Variants in RANBP2 observed in about 807,000 individuals in gnomAD.
RANBP2 encodes the protein E3 SUMO-protein ligase RanBP2.
RANBP2 carries 57 observed loss-of-function variants against 303.6 expected under a neutral mutation model. That is an observed-to-expected ratio of 0.19 (90% CI 0.15 to 0.23). The LOEUF (loss-of-function observed/expected upper bound fraction) is 0.23. Among genes scored for constraint, RANBP2 ranks in the 10% least tolerant of loss-of-function variants. The probability of loss-of-function intolerance (pLI) is 1.00; values close to 1 mark genes in which losing one functional copy is unlikely to be tolerated. For synonymous variants in RANBP2, 1,167 were observed against 1,301.5 expected, an observed-to-expected ratio of 0.90 and a Z score of 2.23; for missense variants, 3,138 against 3,780.8, an observed-to-expected ratio of 0.83 and a Z score of 4.46.
the RANBP2 span, among the ~76,000 whole-genome samples, chr2:109,517,958 T>C: frequency 6.6e-6 from 1 of 152,262 alleles, no homozygotes; most frequent in Admixed American, 6.5e-5. Context: ...TCGAGTCCCA[T>C]TTGAGAACTT....
At chr2:109,554,528 C>T in the RANBP2 span, among the ~76,000 whole-genome samples, 1 of 152,172 alleles carries the variant, frequency 6.6e-6, no homozygotes, top group Non-Finnish European at 1.5e-5. Context: ...CACCCCCACC[C>T]AACTCAGACT....
the RANBP2 span, among the ~76,000 whole-genome samples, chr2:109,317,601 C>T: frequency 6.6e-6 from 1 of 152,168 alleles, no homozygotes; most frequent in African/African-American, 2.4e-5. Context: ...AGTCAAAGTC[C>T]ACCTTGGTTT....
the RANBP2 span, among the ~76,000 whole-genome samples, chr2:108,805,293 T>C: frequency 2.6e-5 from 4 of 152,216 alleles, no homozygotes; most frequent in Admixed American, 6.5e-5. Flanking sequence ...TTAATACTTA[T>C]TATTTATCAC....
chr2:109,540,002 G>A, the RANBP2 span, among the ~76,000 whole-genome samples: 1 of 152,084 alleles, frequency 6.6e-6, no homozygotes, highest in African/African-American at 2.4e-5. Context: ...ACAGGTCCTG[G>A]TGGGACATGT....
the RANBP2 span, among the ~76,000 whole-genome samples, chr2:109,199,954 G>A: frequency 6.6e-6 from 1 of 150,596 alleles, no homozygotes; most frequent in Non-Finnish European, 1.5e-5. Flanking sequence ...CCCCAGGGAC[G>A]TTTGCAGTGT....
At chr2:109,439,731 C>A in the RANBP2 span, among the ~76,000 whole-genome samples, 1 of 151,996 alleles carries the variant, frequency 6.6e-6, no homozygotes, top group Non-Finnish European at 1.5e-5. Flanking sequence ...AATTCATCAG[C>A]AAAAAAGCAC....
the RANBP2 span, among the ~76,000 whole-genome samples, chr2:108,954,629 A>G: frequency 6.6e-6 from 1 of 150,780 alleles, no homozygotes; most frequent in South Asian, 2.1e-4. Flanking sequence ...TTCCTCTGTC[A>G]CATTCCCTCA....
chr2:109,350,272 T>C, the RANBP2 span, among the ~76,000 whole-genome samples: 4 of 152,248 alleles, frequency 2.6e-5, no homozygotes, highest in Non-Finnish European at 5.9e-5. Context: ...GACCTCTTGG[T>C]TGAATTGAGG....
chr2:109,011,431 C>T, the RANBP2 span, among the ~76,000 whole-genome samples: 5 of 152,130 alleles, frequency 3.3e-5, no homozygotes, highest in Non-Finnish European at 5.9e-5. Flanking sequence ...GATTCCTGGT[C>T]TTTGTATGTA....
At chr2:108,818,864 G>T in the RANBP2 span, among the ~76,000 whole-genome samples, 1 of 150,916 alleles carries the variant, frequency 6.6e-6, no homozygotes, top group African/African-American at 2.4e-5. Context: ...ATTTACTTAA[G>T]GATGGATTTA....
At chr2:108,837,233 T>C in the RANBP2 span, among the ~76,000 whole-genome samples, 1 of 152,202 alleles carries the variant, frequency 6.6e-6, no homozygotes, top group Non-Finnish European at 1.5e-5. Flanking sequence ...TGTTGAGTAT[T>C]TTTATCATGA....
chr2:109,070,801 A>C, the RANBP2 span, among the ~76,000 whole-genome samples: 4 of 151,584 alleles, frequency 2.6e-5, no homozygotes, highest in South Asian at 6.3e-4. Context: ...CAGAGGTTGC[A>C]GTGAGCCAAG....
chr2:109,283,401 T>A, the RANBP2 span, among the ~76,000 whole-genome samples: 1 of 152,044 alleles, frequency 6.6e-6, no homozygotes, highest in Admixed American at 6.5e-5. Context: ...AGTGTTTTGG[T>A]GGCCAGTATT....
At chr2:109,613,753 G>A in the RANBP2 span, 2 of 1,175,166 alleles carry the variant, frequency 1.7e-6, no homozygotes, top group Admixed American at 4.3e-5. Flanking sequence ...GTCCCGCGGG[G>A]GCCGGGGAGC....
the RANBP2 span, chr2:109,130,220 TGC>T: frequency 9.3e-7 from 1 of 1,073,814 alleles, no homozygotes; most frequent in Non-Finnish European, 1.2e-6. Flanking sequence ...CGGGTGGTCC[TGC>T]GTTGGCCCAC....
the RANBP2 span, among the ~76,000 whole-genome samples, chr2:109,044,249 G>A: frequency 0.88 from 133,150 of 152,076 alleles, 59,786 homozygotes; most frequent in Non-Finnish European, 0.97. Context: ...TACCGGGCGC[G>A]GTGGCTCACT....
At chr2:109,334,505 G>A in the RANBP2 span, among the ~76,000 whole-genome samples, 1 of 152,160 alleles carries the variant, frequency 6.6e-6, no homozygotes, top group South Asian at 2.1e-4. Context: ...GGCACAGACT[G>A]GCTTGGCTAA....
chr2:109,667,104 T>C, the RANBP2 span: 103 of 927,924 alleles, frequency 1.1e-4, no homozygotes, highest in Middle Eastern at 2.1e-3. Flanking sequence ...TCTAAATATA[T>C]CCCAGTTTTT....
the RANBP2 span, among the ~76,000 whole-genome samples, chr2:108,808,256 C>T: frequency 8.5e-5 from 13 of 152,150 alleles, no homozygotes; most frequent in East Asian, 1.2e-3. Flanking sequence ...ATTTATCTAT[C>T]GATGGACACA....
Sources: allele counts gnomAD v4.1 joint callset (sites outside exome capture counted in the v4.1 genomes callset), GRCh38; gene constraint gnomAD v4.1.1; transcripts MANE v1.5; gene names NCBI Gene and HGNC (gene_info 2026-07-23, HGNC 2026-07-21).